KLRG1: variants seen among roughly 807,000 people sequenced by gnomAD.
The protein encoded by KLRG1 is killer cell lectin-like receptor subfamily G member 1.
KLRG1 carries 16 observed loss-of-function variants against 21.8 expected under a neutral mutation model. That is an observed-to-expected ratio of 0.73 (90% CI 0.50 to 1.11). The LOEUF (loss-of-function observed/expected upper bound fraction) is 1.11. Among genes scored for constraint, KLRG1 ranks in the 50% most tolerant of loss-of-function variants. The probability of loss-of-function intolerance (pLI) is 0.00; values close to 1 mark genes in which losing one functional copy is unlikely to be tolerated. For missense variants in KLRG1, 173 were observed against 218.3 expected, an observed-to-expected ratio of 0.79 and a Z score of 1.31; for synonymous variants, 69 against 75.9, an observed-to-expected ratio of 0.91 and a Z score of 0.47.
chr12:9,039,021 G>A, the KLRG1 span, among the ~76,000 whole-genome samples: 14 of 152,088 alleles, frequency 9.2e-5, no homozygotes, highest in Admixed American at 6.5e-4. Flanking sequence ...AAATTTATTA[G>A]AAGAGCTAAA....
chr12:9,192,543 C>G, the KLRG1 span: 1 of 1,614,154 alleles, frequency 6.2e-7, no homozygotes, highest in Admixed American at 1.7e-5. Flanking sequence ...CGATAACTCT[C>G]CCATGGCCTG....
chr12:9,172,970 A>G, the KLRG1 span, among the ~76,000 whole-genome samples: 1 of 152,262 alleles, frequency 6.6e-6, no homozygotes, highest in African/African-American at 2.4e-5. Flanking sequence ...CTCTGGATCA[A>G]GTGGACCTGA....
the KLRG1 span, among the ~76,000 whole-genome samples, chr12:9,062,608 GTATTATACATATATGTATA>G: frequency 2.5e-4 from 36 of 145,864 alleles, no homozygotes; most frequent in African/African-American, 1.0e-4. Flanking sequence ...TAAATACATT[GTATTATACATATATGTATA>G]TATTATACAT....
chr12:9,167,918 A>AAGAC, the KLRG1 span, among the ~76,000 whole-genome samples: 3 of 152,126 alleles, frequency 2.0e-5, no homozygotes, highest in African/African-American at 7.2e-5. Context: ...TCTCAGTTAC[A>AAGAC]AGACAAAATC....
chr12:9,043,909 C>T, the KLRG1 span, among the ~76,000 whole-genome samples: 2 of 152,202 alleles, frequency 1.3e-5, no homozygotes, highest in Non-Finnish European at 2.9e-5. Context: ...CCTGAGACTA[C>T]ATGCAGGGAG....
chr12:9,185,790 ATTTCTTTTCTTTTCT>A, the KLRG1 span, among the ~76,000 whole-genome samples: 28 of 134,320 alleles, frequency 2.1e-4, no homozygotes, highest in Non-Finnish European at 3.6e-4. Context: ...TATGTTCAAC[ATTTCTTTTCTTTTCT>A]TTTCTTTTCT....
chr12:9,171,437 C>T, the KLRG1 span, among the ~76,000 whole-genome samples: 1 of 152,138 alleles, frequency 6.6e-6, no homozygotes. Context: ...ACTCAAAATG[C>T]CAGAGTGTCT....
At chr12:9,047,715 C>A in the KLRG1 span, among the ~76,000 whole-genome samples, 2 of 151,900 alleles carry the variant, frequency 1.3e-5, no homozygotes, top group Non-Finnish European at 2.9e-5. Context: ...GAAAAATATG[C>A]CAAGTTAACA....
chr12:9,016,427 A>G, the KLRG1 span, among the ~76,000 whole-genome samples: 9 of 152,322 alleles, frequency 5.9e-5, no homozygotes, highest in Non-Finnish European at 1.2e-4. Context: ...AAATTCCTAG[A>G]CAGATAAAAC....
the KLRG1 span, chr12:9,150,519 G>T: frequency 3.1e-6 from 2 of 645,892 alleles, no homozygotes; most frequent in Non-Finnish European, 5.3e-6. Context: ...TTTTTATAGT[G>T]TACATCTTGG....
At chr12:9,206,911 C>A in the KLRG1 span, among the ~76,000 whole-genome samples, 1 of 152,160 alleles carries the variant, frequency 6.6e-6, no homozygotes, top group African/African-American at 2.4e-5. Context: ...TCCATTCAGT[C>A]TGCTCTCAGA....
the KLRG1 span, among the ~76,000 whole-genome samples, chr12:9,110,888 G>A: frequency 1.3e-5 from 2 of 152,028 alleles, no homozygotes; most frequent in Non-Finnish European, 2.9e-5. Flanking sequence ...TACATGTAAA[G>A]TGCCATTTAC....
the KLRG1 span, among the ~76,000 whole-genome samples, chr12:9,134,463 T>A: frequency 2.0e-5 from 3 of 152,188 alleles, no homozygotes; most frequent in Admixed American, 1.3e-4. Flanking sequence ...AAATTGTAAG[T>A]GTACAATATA....
the KLRG1 span, among the ~76,000 whole-genome samples, chr12:9,093,813 C>A: frequency 1.4e-5 from 2 of 147,332 alleles, no homozygotes; most frequent in Admixed American, 1.3e-4. Flanking sequence ...GTAATCCCAG[C>A]ACTTTGAGAG....
chr12:9,119,356 A>AT, the KLRG1 span, among the ~76,000 whole-genome samples: 1 of 152,208 alleles, frequency 6.6e-6, no homozygotes, highest in African/African-American at 2.4e-5. Flanking sequence ...AAAGGTTGTC[A>AT]TTGATAAATT....
At chr12:9,048,732 A>G in the KLRG1 span, among the ~76,000 whole-genome samples, 1 of 152,344 alleles carries the variant, frequency 6.6e-6, no homozygotes, top group East Asian at 1.9e-4. Flanking sequence ...CTAACGTTAT[A>G]ATTAATGGTG....
the KLRG1 span, chr12:9,201,442 T>C: frequency 1.1e-6 from 1 of 914,630 alleles, no homozygotes; most frequent in Non-Finnish European, 1.7e-6. Flanking sequence ...GGAAGAATAT[T>C]ATCTGTAGCT....
chr12:9,072,968 C>T, the KLRG1 span: 2 of 862,580 alleles, frequency 2.3e-6, no homozygotes, highest in Admixed American at 2.6e-5. Context: ...CTTTGATTTC[C>T]TACTTCCCTC....
the KLRG1 span, among the ~76,000 whole-genome samples, chr12:9,161,470 T>C: frequency 6.6e-6 from 1 of 152,212 alleles, no homozygotes; most frequent in Non-Finnish European, 1.5e-5. Flanking sequence ...CTTTTGGCAC[T>C]GTGTGACTTC....
Sources: allele counts gnomAD v4.1 joint callset (sites outside exome capture counted in the v4.1 genomes callset), GRCh38; gene constraint gnomAD v4.1.1; transcripts MANE v1.5; gene names NCBI Gene and HGNC (gene_info 2026-07-23, HGNC 2026-07-21).